PAAF1: variants seen among roughly 807,000 people sequenced by gnomAD.
The protein encoded by PAAF1 is proteasomal ATPase-associated factor 1.
A neutral mutation model predicts 52.8 loss-of-function variants in PAAF1; 46 were observed. The ratio of observed to expected loss-of-function variants is 0.87; its 90% CI spans 0.69 to 1.11. The LOEUF is 1.11. Among genes scored for constraint, PAAF1 ranks in the 50% most tolerant of loss-of-function variants. The probability of loss-of-function intolerance (pLI) is 0.00; values close to 1 mark genes in which losing one functional copy is unlikely to be tolerated. For synonymous variants in PAAF1, 178 were observed against 172.8 expected, an observed-to-expected ratio of 1.03 and a Z score of -0.24; for missense variants, 424 against 477.4, an observed-to-expected ratio of 0.89 and a Z score of 1.04.
At chr11:73,907,625 GAC>G (rs1206010456) in intron 6 of PAAF1, among the ~76,000 whole-genome samples, 1 of 152,180 alleles carries the variant, frequency 6.6e-6, no homozygotes, top group Non-Finnish European at 1.5e-5. Context: ...TAGATCCTGT[GAC>G]AGTACCCTAC....
At chr11:73,904,554 G>A (rs7942963) in intron 6 of PAAF1, among the ~76,000 whole-genome samples, 9,429 of 152,026 alleles carry the variant, frequency 0.062, 408 homozygotes, top group South Asian at 0.21. Flanking sequence ...CAGCACTTGC[G>A]CCATTATTTT....
At chr11:73,896,782 C>T (rs2135161614) in intron 4 of PAAF1, among the ~76,000 whole-genome samples, 2 of 152,360 alleles carry the variant, frequency 1.3e-5, no homozygotes, top group Admixed American at 1.3e-4. Context: ...CCGCCATTGT[C>T]CTCATGGCCC....
rs5792636 is a variant in PAAF1 at position 73,900,981 on chromosome 11, CAAAAAAAAAAAAA to C, written c.532+582_532+594del. Among the ~76,000 whole-genome samples, 32 of 59,554 alleles carry C rather than the reference CAAAAAAAAAAAAA, an allele frequency of 5.4e-4. No homozygotes were observed. In the South Asian group the frequency reaches 8.1e-3, roughly 15 times the overall value. 39.1% of individuals were successfully genotyped at this position (59,554 alleles called of 152,430 possible). On this transcript the variant is annotated intron_variant, in intron 6 of 11. Coordinates refer to ENST00000310571, the MANE Select transcript of PAAF1 (RefSeq NM_025155.3). ...TGGGCGACAGAGCGAGACTCCGTCT[CAAAAAAAAAAAAA>C]AAAAAAAAAAAAAAAAAAAAGTTGT...
At chr11:73,926,526 G>A (rs1950363894) in intron 11 of PAAF1, among the ~76,000 whole-genome samples, 2 of 152,126 alleles carry the variant, frequency 1.3e-5, no homozygotes, top group Admixed American at 6.5e-5. Context: ...TGGCCAACAC[G>A]GTGAAACCCT....
chr11:73,912,392 C>T (rs1949957263), intron 7 of PAAF1, among the ~76,000 whole-genome samples: 1 of 152,096 alleles, frequency 6.6e-6, no homozygotes, highest in African/African-American at 2.4e-5. Flanking sequence ...CGCTATCTAC[C>T]CATTTGCTCA....
intron 4 of PAAF1, 113 bp from the exon 5 acceptor site, chr11:73,899,031 AAC>A (rs1949516651): frequency 1.3e-6 from 1 of 747,306 alleles, no homozygotes; most frequent in Admixed American, 2.8e-5. Context: ...TTTGTTGGGA[AAC>A]ACAGGCTTCA....
intron 6 of PAAF1, 23 bp downstream of exon 6, chr11:73,900,443 A>G: frequency 6.5e-7 from 1 of 1,533,568 alleles, no homozygotes; most frequent in Non-Finnish European, 8.8e-7. Context: ...CTTTCTCCAA[A>G]AGGCTTCTCT....
intron 4 of PAAF1, among the ~76,000 whole-genome samples, chr11:73,892,183 A>G (rs778455225): frequency 1.5e-4 from 23 of 151,964 alleles, no homozygotes; most frequent in Non-Finnish European, 2.9e-4. Context: ...AATTAGCCAG[A>G]CATGGTGCCA....
At chr11:73,908,351 ATATATGTGTG>A (rs1949827374) in intron 6 of PAAF1, among the ~76,000 whole-genome samples, 2 of 135,502 alleles carry the variant, frequency 1.5e-5, no homozygotes, top group African/African-American at 5.4e-5. Flanking sequence ...ATATATGTGT[ATATATGTGTG>A]TATATATATA....
intron 10 of PAAF1, among the ~76,000 whole-genome samples, chr11:73,922,758 A>T (rs1162634101): frequency 6.7e-6 from 1 of 148,882 alleles, no homozygotes; most frequent in African/African-American, 2.5e-5. Flanking sequence ...TGGAGCTTGC[A>T]GTGAGCCGAG....
intron 10 of PAAF1, chr11:73,921,802 C>T (rs1565153301): frequency 1.7e-6 from 2 of 1,161,018 alleles, no homozygotes; most frequent in Non-Finnish European, 2.6e-6. Context: ...TAAATAGGCC[C>T]TCATCACTTC....
At chr11:73,920,851 CAA>C (rs1267625110) in intron 10 of PAAF1, among the ~76,000 whole-genome samples, 7 of 98,664 alleles carry the variant, frequency 7.1e-5, no homozygotes, top group African/African-American at 3.9e-5. Flanking sequence ...GACTCTGTCT[CAA>C]AAAAAAAAAA....
Position 73,877,054 on chromosome 11 carries a change from G to T in PAAF1, c.33G>T (p.Trp11Cys). ...CGCCTTTGAGGATTCAGAGCGACTGGGCGCAAGCCCTCAGGTGAATCCAGG... is the reference window on the plus strand; with the variant it reads ...CGCCTTTGAGGATTCAGAGCGACTGTGCGCAAGCCCTCAGGTGAATCCAGG... MAAPLRIQSD[W>C]AQALRKDEGE... Residue 11 changes from tryptophan to cysteine, a missense_variant, in exon 1 of 12, where the codon TGG becomes TGT. Trp to Cys is a radical substitution (Grantham distance 215). Coordinates refer to ENST00000310571, the MANE Select transcript of PAAF1 (RefSeq NM_025155.3). The T allele has an allele frequency of 6.5e-7, 1 of 1,538,960 alleles. No homozygotes were observed. Among genetic ancestry groups the T allele is most frequent in the Non-Finnish European group, 8.8e-7 (1 of 1,140,442 alleles).
chr11:73,901,052 T>A (rs1949596534), intron 6 of PAAF1, among the ~76,000 whole-genome samples: 1 of 138,402 alleles, frequency 7.2e-6, no homozygotes, highest in African/African-American at 2.6e-5. Flanking sequence ...AAAAAAATCC[T>A]CTCCAGGAAA....
intron 10 of PAAF1, among the ~76,000 whole-genome samples, chr11:73,924,330 C>T (rs1481064788): frequency 6.6e-6 from 1 of 152,124 alleles, no homozygotes; most frequent in African/African-American, 2.4e-5. Context: ...CCTGTAATCC[C>T]AGCTGCTTGG....
intron 6 of PAAF1, among the ~76,000 whole-genome samples, chr11:73,907,151 G>A (rs1389429596): frequency 6.6e-6 from 1 of 151,274 alleles, no homozygotes; most frequent in Admixed American, 6.6e-5. Flanking sequence ...GTATTCCTGA[G>A]GCTAGGGACC....
chr11:73,912,126 C>G (rs1441469373), intron 7 of PAAF1, among the ~76,000 whole-genome samples: 1 of 151,936 alleles, frequency 6.6e-6, no homozygotes, highest in Non-Finnish European at 1.5e-5. Context: ...TTATGAAACT[C>G]CTCTCTTCTA....
chr11:73,908,007 G>A (rs991201221), intron 6 of PAAF1, among the ~76,000 whole-genome samples: 1 of 151,992 alleles, frequency 6.6e-6, no homozygotes, highest in Non-Finnish European at 1.5e-5. Context: ...AAGTCCTGAG[G>A]TCCTTAAGTG....
chr11:73,892,142 G>A (rs994421996), intron 4 of PAAF1, among the ~76,000 whole-genome samples: 21 of 152,126 alleles, frequency 1.4e-4, no homozygotes, highest in African/African-American at 4.8e-4. Flanking sequence ...GAGCAACATG[G>A]TGAAACTCTG....
Sources: gnomAD v4.1 joint callset for allele counts (sites outside exome capture counted in the v4.1 genomes callset) on GRCh38, gnomAD v4.1.1 for gene constraint, MANE v1.5 for transcripts, NCBI Gene and HGNC (gene_info 2026-07-23, HGNC 2026-07-21) for gene names.